The following DCTD variants were observed in gnomAD, a reference collection of about 807,000 sequenced individuals.
DCTD encodes dCMP deaminase, also known as deoxycytidylate deaminase.
A neutral mutation model predicts 21.0 loss-of-function variants in DCTD; 23 were observed. The observed-to-expected ratio is 1.09, with a 90% CI of 0.79 to 1.55. The LOEUF (loss-of-function observed/expected upper bound fraction) is 1.55. DCTD is among the 40% of genes most tolerant of loss of function. DCTD has a pLI of 0.00. For synonymous variants in DCTD, 71 were observed against 81.1 expected (o/e 0.88, Z 0.67); for missense variants, 224 against 230.0 (o/e 0.97, Z 0.17).
In DCTD at chr4:182,891,469, A is replaced by T; in HGVS notation, c.467T>A (p.Ile156Lys). ...NMAGVTFRKF[I>K]PKCSKIVIDF... Reference sequence around the variant, plus strand: ...AATGACAATCTTGCTGCACTTCGGTATGAATTTCCTAAAAATAAAAACAAA... The same window carrying T: ...AATGACAATCTTGCTGCACTTCGGTTTGAATTTCCTAAAAATAAAAACAAA... The change falls in exon 6 of 6, where the codon ATA (isoleucine) becomes AAA (lysine). Residue 156 changes from isoleucine to lysine, a missense_variant. Coordinates refer to ENST00000438320, the MANE Select transcript of DCTD (RefSeq NM_001921.3). The T allele has an allele frequency of 1.2e-6, 2 of 1,608,610 alleles. No homozygotes were observed. Among genetic ancestry groups the T allele is most frequent in the South Asian group, 2.2e-5 (2 of 90,940 alleles).
At chr4:182,915,413 T>A in intron 2 of DCTD, 48 bp downstream of exon 2, 1 of 1,230,986 alleles carries the variant, frequency 8.1e-7, no homozygotes, top group Non-Finnish European at 1.2e-6. Context: ...TGTGCAGTAA[T>A]CTCTTTGCCT....
chr4:182,892,974 A>G (rs1447004819), intron 5 of DCTD, 57 bp downstream of exon 5: 10 of 1,037,704 alleles, frequency 9.6e-6, no homozygotes, highest in African/African-American at 4.7e-5. Flanking sequence ...GGTCAAATAC[A>G]TCTCTTCATC....
intron 3 of DCTD, 35 bp from the exon 4 acceptor site, chr4:182,894,640 G>A (rs1325364247): frequency 7.2e-7 from 1 of 1,384,214 alleles, no homozygotes; most frequent in Non-Finnish European, 1.0e-6. Context: ...AAAAACTTTG[G>A]TTGCAGCTCA....
In DCTD at chr4:182,915,455, A is replaced by G; in HGVS notation, c.108+6T>C. 6.4e-7 allele frequency: 1 copy of G among 1,571,434 alleles called. No homozygotes were observed. The highest frequency in any genetic ancestry group is 1.1e-5 in the South Asian group (1 of 90,208). On this transcript the variant is annotated splice_donor_region_variant and intron_variant, in intron 2 of 5. Coordinates refer to ENST00000438320, the MANE Select transcript of DCTD (RefSeq NM_001921.3). ...ATCTAAGCATTCTCCCGTGAAATTC[A>G]TTTACCTGGGAATTTGGATCTTTGC...
intron 3 of DCTD, among the ~76,000 whole-genome samples, chr4:182,903,870 C>T (rs1056530692): frequency 2.5e-4 from 38 of 152,154 alleles, no homozygotes; most frequent in African/African-American, 8.7e-4. Context: ...CCTCAGCCTC[C>T]GGACCTAAGA....
chr4:182,915,432 CT>C (rs1738551861), intron 2 of DCTD, 28 bp downstream of exon 2: 5 of 1,395,106 alleles, frequency 3.6e-6, no homozygotes, highest in Non-Finnish European at 5.1e-6. Context: ...CTGTGAGTAT[CT>C]AAGCATTCTC....
At chr4:182,913,645 T>C (rs1027977057) in intron 3 of DCTD, among the ~76,000 whole-genome samples, 1 of 152,196 alleles carries the variant, frequency 6.6e-6, no homozygotes, top group African/African-American at 2.4e-5. Context: ...GACACAATCT[T>C]TCCCATTTGG....
chr4:182,914,862 C>A lies in DCTD; in HGVS notation c.244+61G>T, dbSNP rs905559082. The A allele has an allele frequency of 2.1e-5, 34 of 1,597,266 alleles. No individual in the cohort carries two copies. In the African/African-American group the frequency reaches 3.4e-4, roughly 16 times the overall value. On this transcript the variant is annotated intron_variant, in intron 3 of 5. Coordinates refer to ENST00000438320, the MANE Select transcript of DCTD (RefSeq NM_001921.3). ...GAGATGATGCCTTCTGACCAACTTT[C>A]TTAATTAGGCACTCACCAGGCTATG...
intron 3 of DCTD, among the ~76,000 whole-genome samples, chr4:182,903,942 G>A (rs911671923): frequency 1.3e-5 from 2 of 152,188 alleles, no homozygotes; most frequent in Non-Finnish European, 2.9e-5. Context: ...CAAGAGCACA[G>A]CACAGACAAG....
Position 182,917,011 on chromosome 4 carries a change from G to C in DCTD, c.-8+300C>G. 1 of 989,748 alleles carries C rather than the reference G, an allele frequency of 1.0e-6. No individual in the cohort carries two copies. The highest frequency in any genetic ancestry group is 1.2e-6 in the Non-Finnish European group (1 of 832,628). The allele number at this position is 989,748 out of a possible 1,614,324, so 61.3% of individuals were successfully genotyped here. On this transcript the variant is annotated intron_variant, in intron 1 of 5. Coordinates refer to ENST00000438320, the MANE Select transcript of DCTD (RefSeq NM_001921.3). This position sits in a 1 kb window ranked among gnomAD's most constrained non-coding sequence, Gnocchi z 4.9. ...CCCAACCCACACACGGGCGCAGGAA[G>C]GGATGTGGTGTTCAGACGCCCAGCA...
Position 182,914,928 on chromosome 4 carries a change from G to A in DCTD, c.239C>T (p.Pro80Leu), listed in dbSNP as rs374532338. 49 of 1,614,044 alleles carry A rather than the reference G, an allele frequency of 3.0e-5. No individual in the cohort carries two copies. The African/African-American group carries it at 3.6e-4, about 12-fold the overall frequency. The stretch of plus-strand genomic sequence containing the variant: ...GGACATAAAACTTGCCCTACCGTAC[G>A]GGTATTTGGTGTCCAGCTTATTCTC... The part of the protein sequence containing the change: ...TAENKLDTKY[P>L]YVCHAELNAI... The change falls in exon 3 of 6, where the codon CCG (proline) becomes CTG (leucine). Residue 80 changes from proline to leucine, a missense_variant. Coordinates refer to ENST00000438320, the MANE Select transcript of DCTD (RefSeq NM_001921.3).
chr4:182,910,078 C>T (rs1737408688), intron 3 of DCTD, among the ~76,000 whole-genome samples: 1 of 152,144 alleles, frequency 6.6e-6, no homozygotes, highest in Non-Finnish European at 1.5e-5. Flanking sequence ...AGAGTGAGGC[C>T]TCCCCCGACT....
intron 3 of DCTD, among the ~76,000 whole-genome samples, chr4:182,912,281 C>T (rs549897569): frequency 1.2e-4 from 18 of 152,120 alleles, no homozygotes; most frequent in Admixed American, 1.3e-4. Context: ...ACAGTTTATA[C>T]ACAGTCATCG....
chr4:182,902,935 T>C (rs180981065), intron 3 of DCTD, among the ~76,000 whole-genome samples: 74 of 152,346 alleles, frequency 4.9e-4, no homozygotes, highest in Admixed American at 8.5e-4. Context: ...AATCTTCAAG[T>C]AACATTGTTT....
At chr4:182,914,059 G>A (rs1266036705) in intron 3 of DCTD, among the ~76,000 whole-genome samples, 1 of 152,204 alleles carries the variant, frequency 6.6e-6, no homozygotes, top group Non-Finnish European at 1.5e-5. Flanking sequence ...CCAGGCTGGA[G>A]TGCAGTGGCG....
chr4:182,905,313 A>G (rs1272529410), intron 3 of DCTD, among the ~76,000 whole-genome samples: 1 of 148,622 alleles, frequency 6.7e-6, no homozygotes, highest in South Asian at 2.1e-4. Context: ...GATACAGCTG[A>G]CAAGCCCGCC....
intron 3 of DCTD, among the ~76,000 whole-genome samples, chr4:182,897,009 C>T (rs1734848706): frequency 6.6e-6 from 1 of 152,092 alleles, no homozygotes; most frequent in African/African-American, 2.4e-5. Flanking sequence ...AACTGCAGAG[C>T]CTCTGCATCT....
At chr4:182,895,537 AAC>A (rs1427547319) in intron 3 of DCTD, among the ~76,000 whole-genome samples, 1 of 152,176 alleles carries the variant, frequency 6.6e-6, no homozygotes, top group Non-Finnish European at 1.5e-5. Context: ...TGGCAAAGCC[AAC>A]ACACACCCCA....
At chr4:182,894,688 C>G (rs937466702) in intron 3 of DCTD, 83 bp from the exon 4 acceptor site, 35 of 842,962 alleles carry the variant, frequency 4.2e-5, no homozygotes, top group Non-Finnish European at 6.4e-5. Flanking sequence ...TCCATTCCCC[C>G]CTCTGAAATA....
Sources: gnomAD v4.1 joint callset for allele counts (sites outside exome capture counted in the v4.1 genomes callset) on GRCh38, gnomAD v4.1.1 for gene constraint, Gnocchi (gnomAD v3.1) non-coding constraint, MANE v1.5 for transcripts, NCBI Gene and HGNC (gene_info 2026-07-23, HGNC 2026-07-21) for gene names.